SOCS2: variants seen among roughly 807,000 people sequenced by gnomAD.
SOCS2 encodes suppressor of cytokine signaling 2, also known as CIS-2.
In SOCS2, 10 loss-of-function variants were observed where a neutral mutation model predicts 18.6. The observed-to-expected ratio is 0.54, with a 90% CI of 0.33 to 0.91. The LOEUF is 0.91. Among genes scored for constraint, SOCS2 ranks in the 40% least tolerant of loss-of-function variants. The pLI is 0.02. For synonymous variants in SOCS2, 104 were observed against 104.0 expected (o/e 1.00, Z 0.00); for missense variants, 231 against 247.2 (o/e 0.93, Z 0.44).
the SOCS2 span, among the ~76,000 whole-genome samples, chr12:93,614,615 CTT>C: frequency 2.1e-5 from 2 of 96,268 alleles, no homozygotes; most frequent in Admixed American, 2.3e-4. Flanking sequence ...TTCTTTCTTT[CTT>C]TCTTTCTTTC....
chr12:93,578,021 G>C (rs1056412481), downstream of SOCS2, among the ~76,000 whole-genome samples: 7 of 152,172 alleles, frequency 4.6e-5, no homozygotes, highest in Non-Finnish European at 1.0e-4. Flanking sequence ...CCCAAACTCT[G>C]AAAATATTTT....
At chr12:93,603,505 T>G in the SOCS2 span, among the ~76,000 whole-genome samples, 5 of 152,198 alleles carry the variant, frequency 3.3e-5, no homozygotes, top group African/African-American at 1.2e-4. Context: ...CATCCCATAA[T>G]GGCATCCATG....
At chr12:93,615,262 C>T in the SOCS2 span, among the ~76,000 whole-genome samples, 4 of 152,340 alleles carry the variant, frequency 2.6e-5, no homozygotes, top group Non-Finnish European at 5.9e-5. Context: ...ATTGTTCATT[C>T]CCAGAGTCTA....
chr12:93,607,738 A>G, the SOCS2 span, among the ~76,000 whole-genome samples: 1 of 152,182 alleles, frequency 6.6e-6, no homozygotes, highest in Non-Finnish European at 1.5e-5. Context: ...TTAAATAAAA[A>G]TACGCTGTCA....
the SOCS2 span, among the ~76,000 whole-genome samples, chr12:93,615,688 T>C: frequency 6.6e-6 from 1 of 152,230 alleles, no homozygotes; most frequent in African/African-American, 2.4e-5. Flanking sequence ...CTCCACCTCC[T>C]GGGTTCAAGC....
chr12:93,592,004 A>G, the SOCS2 span, among the ~76,000 whole-genome samples: 1 of 152,166 alleles, frequency 6.6e-6, no homozygotes. Context: ...TAGTTTTTCA[A>G]TTATTCTAAA....
downstream of SOCS2, among the ~76,000 whole-genome samples, chr12:93,587,932 A>G (rs1177398358): frequency 6.6e-6 from 1 of 152,184 alleles, no homozygotes. Context: ...TGAAGGAGCT[A>G]TCGAAGGCTT....
At chr12:93,602,780 G>C in the SOCS2 span, among the ~76,000 whole-genome samples, 1,251 of 152,244 alleles carry the variant, frequency 8.2e-3, 22 homozygotes, top group African/African-American at 0.029. Context: ...TCAGAGCCCT[G>C]CATTCTGTAA....
At chr12:93,615,122 C>T in the SOCS2 span, among the ~76,000 whole-genome samples, 31 of 152,188 alleles carry the variant, frequency 2.0e-4, no homozygotes, top group African/African-American at 7.5e-4. Flanking sequence ...GGGATAGGTG[C>T]CCCTTTTCTG....
the SOCS2 span, among the ~76,000 whole-genome samples, chr12:93,614,509 TTCCTTCCTTCCTTCCTTCCTTCCTTCC>T: frequency 1.3e-5 from 1 of 74,656 alleles, no homozygotes. Context: ...CCTTCCTTCC[TTCCTTCCTTCCTTCCTTCCTTCCTTCC>T]TTCCTTCTTT....
chr12:93,592,635 T>C, the SOCS2 span, among the ~76,000 whole-genome samples: 588 of 152,366 alleles, frequency 3.9e-3, 4 homozygotes, highest in Non-Finnish European at 4.8e-3. Flanking sequence ...TCTTTCAAGT[T>C]GTACACATAG....
At chr12:93,588,950 G>A in the SOCS2 span, among the ~76,000 whole-genome samples, 1 of 152,084 alleles carries the variant, frequency 6.6e-6, no homozygotes, top group South Asian at 2.1e-4. Context: ...GATAGATCAG[G>A]GACATAAAGC....
At chr12:93,594,533 TG>T in the SOCS2 span, among the ~76,000 whole-genome samples, 1 of 152,232 alleles carries the variant, frequency 6.6e-6, no homozygotes, top group Non-Finnish European at 1.5e-5. Flanking sequence ...AATTTGCTAA[TG>T]GCCTTGATAG....
At chr12:93,616,261 A>G in the SOCS2 span, among the ~76,000 whole-genome samples, 1 of 152,346 alleles carries the variant, frequency 6.6e-6, no homozygotes, top group East Asian at 1.9e-4. Flanking sequence ...TGAGAGGATG[A>G]GATTCAAGCT....
chr12:93,614,529 TTCCTTCC>T, the SOCS2 span, among the ~76,000 whole-genome samples: 1 of 93,196 alleles, frequency 1.1e-5, no homozygotes, highest in African/African-American at 5.6e-5. Flanking sequence ...CCTTCCTTCC[TTCCTTCC>T]TTCCTTCTTT....
the SOCS2 span, among the ~76,000 whole-genome samples, chr12:93,624,169 T>C: frequency 6.6e-6 from 1 of 152,210 alleles, no homozygotes; most frequent in African/African-American, 2.4e-5. Context: ...TTCCACCACA[T>C]GAGGACACAG....
chr12:93,612,196 G>C, the SOCS2 span, among the ~76,000 whole-genome samples: 17 of 152,184 alleles, frequency 1.1e-4, no homozygotes, highest in Non-Finnish European at 1.8e-4. Flanking sequence ...AAATTTCTCT[G>C]ATCTGTCCAT....
At chr12:93,593,299 CG>C in the SOCS2 span, among the ~76,000 whole-genome samples, 1 of 152,118 alleles carries the variant, frequency 6.6e-6, no homozygotes, top group Non-Finnish European at 1.5e-5. Context: ...TAAAGCTCTC[CG>C]CCTACTCAGA....
chr12:93,595,617 T>G, the SOCS2 span, among the ~76,000 whole-genome samples: 9 of 152,224 alleles, frequency 5.9e-5, no homozygotes, highest in Non-Finnish European at 8.8e-5. Context: ...AGTTAGTTCA[T>G]GACCAAAAGA....
Sources: allele counts gnomAD v4.1 joint callset (sites outside exome capture counted in the v4.1 genomes callset), GRCh38; gene constraint gnomAD v4.1.1; transcripts MANE v1.5; gene names NCBI Gene and HGNC (gene_info 2026-07-23, HGNC 2026-07-21).